The following LRRC49 variants were observed in gnomAD, a reference collection of about 807,000 sequenced individuals.
LRRC49 encodes leucine rich repeat containing 49.
Under a neutral mutation model 83.3 loss-of-function variants are expected in LRRC49, and 50 were observed. The observed-to-expected ratio is 0.60, with a 90% CI of 0.48 to 0.76. The LOEUF (loss-of-function observed/expected upper bound fraction) is 0.76. Among genes scored for constraint, LRRC49 ranks in the 30% least tolerant of loss-of-function variants. The probability of loss-of-function intolerance (pLI) is 0.00; values close to 1 mark genes in which losing one functional copy is unlikely to be tolerated. For synonymous variants in LRRC49, 286 were observed against 283.3 expected (o/e 1.01, Z -0.10); for missense variants, 704 against 809.1 (o/e 0.87, Z 1.58).
At chr15:71,048,074 C>A (rs1003470505) in intron 15 of LRRC49, among the ~76,000 whole-genome samples, 2 of 147,948 alleles carry the variant, frequency 1.4e-5, no homozygotes, top group African/African-American at 2.5e-5. Flanking sequence ...CTGCACCGGG[C>A]CAAATTTTTT....
chr15:70,889,015 C>T (rs996253356), upstream of LRRC49, among the ~76,000 whole-genome samples: 7 of 152,098 alleles, frequency 4.6e-5, no homozygotes, highest in African/African-American at 1.7e-4. Context: ...TAAATTGGTA[C>T]AAGTATTTTA....
chr15:70,989,928 G>A (rs4776535), intron 11 of LRRC49, among the ~76,000 whole-genome samples: 66,664 of 151,974 alleles, frequency 0.44, 15,157 homozygotes, highest in East Asian at 0.64. Context: ...TACCAGCAGC[G>A]GTGGCGGCAG....
At chr15:70,965,561 A>G (rs939185450) in intron 9 of LRRC49, among the ~76,000 whole-genome samples, 2 of 152,054 alleles carry the variant, frequency 1.3e-5, no homozygotes, top group African/African-American at 4.8e-5. Context: ...TTTTTGTAGA[A>G]TGACCCTCAA....
At chr15:71,040,172 A>G (rs994522116) in intron 15 of LRRC49, among the ~76,000 whole-genome samples, 7 of 152,232 alleles carry the variant, frequency 4.6e-5, no homozygotes, top group African/African-American at 7.2e-5. Flanking sequence ...GACATTGAAA[A>G]TAAATTTCAC....
intron 8 of LRRC49, 62 bp from the exon 9 acceptor site, chr15:70,963,723 T>C (rs2036691720): frequency 2.0e-6 from 3 of 1,526,582 alleles, no homozygotes; most frequent in Admixed American, 4.0e-5. Context: ...TAAAGTCTAT[T>C]AAAAATGAAA....
chr15:71,048,758 T>G (rs752552374), intron 15 of LRRC49: 1 of 455,824 alleles, frequency 2.2e-6, no homozygotes, highest in South Asian at 1.6e-5. Context: ...CTCTGTTGTG[T>G]TTAGGACCAG....
intron 14 of LRRC49, among the ~76,000 whole-genome samples, chr15:71,028,222 G>A (rs1014920801): frequency 6.6e-6 from 1 of 152,102 alleles, no homozygotes; most frequent in African/African-American, 2.4e-5. Flanking sequence ...TTTGTCATTG[G>A]TTTTGTTTAT....
At chr15:70,889,330 G>A (rs2033491617), upstream of LRRC49, among the ~76,000 whole-genome samples, 1 of 151,978 alleles carries the variant, frequency 6.6e-6, no homozygotes, top group Non-Finnish European at 1.5e-5. Context: ...ACAGAAAATG[G>A]CTACAGTATG....
chr15:70,866,114 G>GTATCTATT (rs2032904750), intron 1 of LRRC49, among the ~76,000 whole-genome samples: 1 of 142,076 alleles, frequency 7.0e-6, no homozygotes, highest in Non-Finnish European at 1.5e-5. Flanking sequence ...TACATGTAAA[G>GTATCTATT]TATTTATTTA....
intron 7 of LRRC49, among the ~76,000 whole-genome samples, chr15:70,932,361 TAA>T (rs992391070): frequency 6.6e-6 from 1 of 152,230 alleles, no homozygotes; most frequent in Non-Finnish European, 1.5e-5. Context: ...ATTAATTTAA[TAA>T]GTCTTTTTTT....
chr15:70,958,893 C>T (rs1191630070), intron 8 of LRRC49, among the ~76,000 whole-genome samples: 1 of 152,128 alleles, frequency 6.6e-6, no homozygotes, highest in Non-Finnish European at 1.5e-5. Context: ...TTAAATATGA[C>T]AATAAAAGCA....
At chr15:70,890,370 A>G (rs915328284), upstream of LRRC49, among the ~76,000 whole-genome samples, 1 of 152,202 alleles carries the variant, frequency 6.6e-6, no homozygotes, top group Non-Finnish European at 1.5e-5. Flanking sequence ...GTGAGGAGGG[A>G]AACTGGCAGA....
chr15:70,877,756 A>G (rs1457876641), intron 2 of LRRC49, among the ~76,000 whole-genome samples: 1 of 152,204 alleles, frequency 6.6e-6, no homozygotes, highest in Non-Finnish European at 1.5e-5. Context: ...TTGTTTTCCA[A>G]AGTGCTTGTA....
intron 11 of LRRC49, among the ~76,000 whole-genome samples, chr15:70,996,150 T>C (rs2038067857): frequency 6.6e-6 from 1 of 152,150 alleles, no homozygotes; most frequent in South Asian, 2.1e-4. Context: ...CCACAGAAGA[T>C]ATTTATATAT....
intron 8 of LRRC49, among the ~76,000 whole-genome samples, chr15:70,959,536 G>GGAA (rs2036524538): frequency 2.5e-5 from 2 of 79,556 alleles, no homozygotes; most frequent in South Asian, 6.1e-4. Flanking sequence ...GAGGAAAGGA[G>GGAA]GGAAGGAAGG....
intron 6 of LRRC49, among the ~76,000 whole-genome samples, chr15:70,917,833 G>C (rs2034846492): frequency 6.6e-6 from 1 of 152,146 alleles, no homozygotes; most frequent in African/African-American, 2.4e-5. Flanking sequence ...AAGAACCTGG[G>C]ACCCACAGAA....
chr15:70,858,856 G>C, intron 1 of LRRC49: 1 of 766,832 alleles, frequency 1.3e-6, no homozygotes, highest in Non-Finnish European at 2.4e-6. Context: ...CTTCTGGGGT[G>C]GCCTGGGTGG....
chr15:70,854,834 T>G (rs1332177338), intron 1 of LRRC49, among the ~76,000 whole-genome samples: 1 of 152,182 alleles, frequency 6.6e-6, no homozygotes, highest in African/African-American at 2.4e-5. Context: ...TAGGTGATGC[T>G]GAAGTTCACA....
chr15:70,883,265 C>A (rs2033314403), intron 2 of LRRC49, among the ~76,000 whole-genome samples: 1 of 151,906 alleles, frequency 6.6e-6, no homozygotes, highest in African/African-American at 2.4e-5. Context: ...CATCTCGGCT[C>A]ACTGCAATCT....
Sources: gnomAD v4.1 joint callset for allele counts (sites outside exome capture counted in the v4.1 genomes callset) on GRCh38, gnomAD v4.1.1 for gene constraint, MANE v1.5 for transcripts, NCBI Gene and HGNC (gene_info 2026-07-23, HGNC 2026-07-21) for gene names.